Variants in CYTH1 observed in about 807,000 individuals in gnomAD.
CYTH1 encodes the protein cytohesin 1, also known as cytohesin-1.
A neutral mutation model predicts 61.8 loss-of-function variants in CYTH1; 18 were observed. The ratio of observed to expected loss-of-function variants is 0.29; its 90% CI spans 0.20 to 0.43. The LOEUF is 0.43. Among genes scored for constraint, CYTH1 ranks in the 20% least tolerant of loss-of-function variants. The pLI, the probability that CYTH1 is intolerant of heterozygous loss-of-function variation, is 1.00. For missense variants in CYTH1, 336 were observed against 510.5 expected (o/e 0.66, Z 3.29); for synonymous variants, 174 against 184.3 (o/e 0.94, Z 0.45).
chr17:78,745,606 TTAC>T (rs1425721410), intron 1 of CYTH1, among the ~76,000 whole-genome samples: 1 of 152,158 alleles, frequency 6.6e-6, no homozygotes, highest in Non-Finnish European at 1.5e-5. Context: ...AAAAATTCCA[TTAC>T]CTGGCTGGGC....
chr17:78,719,430 A>G (rs2093209467), intron 1 of CYTH1, among the ~76,000 whole-genome samples: 1 of 151,116 alleles, frequency 6.6e-6, no homozygotes, highest in South Asian at 2.1e-4. Flanking sequence ...AGCAAACAAG[A>G]AAAAAAAACA....
At chr17:78,728,329 T>C (rs2093276990) in intron 1 of CYTH1, among the ~76,000 whole-genome samples, 1 of 152,150 alleles carries the variant, frequency 6.6e-6, no homozygotes. Context: ...GTGGATCACT[T>C]GAGGTCAGGA....
chr17:78,739,495 G>A (rs1007270095), intron 1 of CYTH1, among the ~76,000 whole-genome samples: 3 of 152,218 alleles, frequency 2.0e-5, no homozygotes, highest in Non-Finnish European at 4.4e-5. Context: ...GGCTACTGTG[G>A]CTGGAGCAGG....
At chr17:78,696,066 G>A (rs374187310) in intron 9 of CYTH1, 57 bp from the exon 10 acceptor site, 219 of 1,366,384 alleles carry the variant, frequency 1.6e-4, no homozygotes, top group Non-Finnish European at 2.1e-4. Context: ...ACAAATGAGG[G>A]AGAAAAGAAA....
chr17:78,713,408 A>G (rs910550564), intron 1 of CYTH1, among the ~76,000 whole-genome samples: 4 of 152,240 alleles, frequency 2.6e-5, no homozygotes, highest in South Asian at 2.1e-4. Flanking sequence ...AAGAGGCTCA[A>G]TAATTGGGAT....
chr17:78,726,052 T>C (rs1012019812), intron 1 of CYTH1, among the ~76,000 whole-genome samples: 1 of 150,550 alleles, frequency 6.6e-6, no homozygotes, highest in Non-Finnish European at 1.5e-5. Flanking sequence ...CTTTTTTTTT[T>C]TTTTTTTTTG....
chr17:78,694,409 G>A (rs2092918416), intron 10 of CYTH1, among the ~76,000 whole-genome samples: 1 of 152,154 alleles, frequency 6.6e-6, no homozygotes, highest in Non-Finnish European at 1.5e-5. Flanking sequence ...AAGGTTAGAT[G>A]GCATGAATTA....
chr17:78,707,292 T>G (rs2093077551), intron 3 of CYTH1, among the ~76,000 whole-genome samples: 1 of 152,090 alleles, frequency 6.6e-6, no homozygotes. Context: ...TGTAGTGAAT[T>G]GGAAACAGCT....
rs1157774865 is a variant in CYTH1 at position 78,778,635 on chromosome 17, CT to C, written c.22+3566del. ...CCTGGGCAACACAGTGAGACTCCAT[CT>C]CAAAAAAAAAAAAAAAAAAAAAAAA... On this transcript the variant is annotated intron_variant, in intron 1 of 13. Transcript: ENST00000446868. 9.7e-5 allele frequency among the ~76,000 whole-genome samples: 7 copies of C among 72,296 alleles called. No individual in the cohort carries two copies. The Admixed American group carries it at 1.3e-3, about 14-fold the overall frequency. The allele number at this position is 72,296 out of a possible 152,430, so 47.4% of individuals were successfully genotyped here. A position where few individuals can be genotyped will look rare whatever the true frequency, so the allele number is the denominator to read the frequency against.
chr17:78,681,636 G>A (rs542102308), intron 11 of CYTH1, among the ~76,000 whole-genome samples: 22 of 152,242 alleles, frequency 1.4e-4, no homozygotes, highest in South Asian at 1.2e-3. Context: ...CAGAGGGCAC[G>A]GCACCGCAGA....
At chr17:78,713,970 A>G (rs1186956005) in intron 1 of CYTH1, among the ~76,000 whole-genome samples, 1 of 152,222 alleles carries the variant, frequency 6.6e-6, no homozygotes, top group Admixed American at 6.5e-5. Flanking sequence ...CTAGTCCTCT[A>G]TCTTCCAAGA....
intron 1 of CYTH1, among the ~76,000 whole-genome samples, chr17:78,747,001 C>T (rs1255469255): frequency 6.6e-6 from 1 of 151,888 alleles, no homozygotes; most frequent in Non-Finnish European, 1.5e-5. Flanking sequence ...TGACTCTTTA[C>T]CATGTGTTCA....
intron 1 of CYTH1, among the ~76,000 whole-genome samples, chr17:78,731,826 G>A (rs1472503530): frequency 4.0e-5 from 6 of 151,692 alleles, no homozygotes; most frequent in Admixed American, 3.9e-4. Flanking sequence ...AGAAAGAAAG[G>A]CAGAGACAAG....
chr17:78,764,482 T>C (rs2093440620), intron 1 of CYTH1, among the ~76,000 whole-genome samples: 1 of 152,084 alleles, frequency 6.6e-6, no homozygotes, highest in Admixed American at 6.5e-5. Flanking sequence ...TTTTCAAGAT[T>C]TGTACTGAAA....
chr17:78,744,500 T>G (rs1022476557), intron 1 of CYTH1, among the ~76,000 whole-genome samples: 1 of 152,218 alleles, frequency 6.6e-6, no homozygotes, highest in Non-Finnish European at 1.5e-5. Context: ...AACAAAGACT[T>G]GTCCAGCCTC....
chr17:78,777,383 A>G (rs755399247), intron 1 of CYTH1, among the ~76,000 whole-genome samples: 1 of 152,282 alleles, frequency 6.6e-6, no homozygotes, highest in Admixed American at 6.5e-5. Context: ...GCGCCACTGC[A>G]CTCTAGCCTG....
At chr17:78,754,490 T>C (rs2144684893) in intron 1 of CYTH1, among the ~76,000 whole-genome samples, 1 of 152,152 alleles carries the variant, frequency 6.6e-6, no homozygotes, top group Non-Finnish European at 1.5e-5. Flanking sequence ...ACCACAGGTG[T>C]GCACCAACGT....
intron 10 of CYTH1, among the ~76,000 whole-genome samples, chr17:78,693,972 C>T (rs1340752192): frequency 1.3e-5 from 2 of 152,216 alleles, no homozygotes; most frequent in Non-Finnish European, 2.9e-5. Context: ...AAATCTCATA[C>T]CTCCGATCAT....
chr17:78,743,039 G>A (rs1443292640), intron 1 of CYTH1, among the ~76,000 whole-genome samples: 1 of 152,078 alleles, frequency 6.6e-6, no homozygotes, highest in Non-Finnish European at 1.5e-5. Flanking sequence ...GTGGGCATTT[G>A]TCCTGTGAGT....
Sources: gnomAD v4.1 joint callset for allele counts (sites outside exome capture counted in the v4.1 genomes callset) on GRCh38, gnomAD v4.1.1 for gene constraint, MANE v1.5 for transcripts, NCBI Gene and HGNC (gene_info 2026-07-23, HGNC 2026-07-21) for gene names.